The following UGT1A10 variants were observed in gnomAD, a reference collection of about 807,000 sequenced individuals.
UGT1A10 encodes UDP glucuronosyltransferase family 1 member A10, also known as UDP-glucuronosyltransferase 1A10.
In UGT1A10, 49 loss-of-function variants were observed where a neutral mutation model predicts 45.8. The observed-to-expected ratio is 1.07, with a 90% CI of 0.85 to 1.36. UGT1A10 has a LOEUF of 1.36. UGT1A10 is among the 40% of genes most tolerant of loss of function. The pLI, the probability that UGT1A10 is intolerant of heterozygous loss-of-function variation, is 0.00. For synonymous variants in UGT1A10, 284 were observed against 249.7 expected (o/e 1.14, Z -1.29); for missense variants, 745 against 668.6 (o/e 1.11, Z -1.26).
rs900393425 is a variant in UGT1A10 at position 233,715,048 on chromosome 2, C to CT, written c.856-51977dup. 1.6e-3 allele frequency among the ~76,000 whole-genome samples: 238 copies of CT among 151,030 alleles called. 1 individual carries two copies. The highest frequency in any genetic ancestry group is 5.1e-3 in the African/African-American group (208 of 41,174). On this transcript the variant is annotated intron_variant, in intron 1 of 4. Coordinates refer to ENST00000344644, the MANE Select transcript of UGT1A10 (RefSeq NM_019075.4). ...CATGGCACCACATCCAGCTAATTTT[C>CT]TTTTTTTTTGTATTTTTTATGGAGA...
chr2:233,647,855 C>T, intron 1 of UGT1A10: 1 of 1,288,646 alleles, frequency 7.8e-7, no homozygotes, highest in Middle Eastern at 2.7e-4. Flanking sequence ...TGGTTTTCTC[C>T]ATTGTTTTTC....
chr2:233,683,152 A>T (rs1156780425), intron 1 of UGT1A10, among the ~76,000 whole-genome samples: 2 of 152,106 alleles, frequency 1.3e-5, no homozygotes, highest in East Asian at 3.8e-4. Flanking sequence ...ATTGTTTTCA[A>T]TTTTTTTGAA....
In UGT1A10 at chr2:233,769,362, G is replaced by A. The variant is rs1315939386; in HGVS notation, c.1295+923G>A. On this transcript the variant is annotated intron_variant, in intron 4 of 4. Coordinates refer to ENST00000344644, the MANE Select transcript of UGT1A10 (RefSeq NM_019075.4). The surrounding 1 kb of genome is among the most constrained non-coding windows in gnomAD (Gnocchi z 4.4). ...ACCTTATGGGAAGAAGTGGTGGCCAGTGGTAGATTTCATCCGACAATAGAT... is the reference window on the plus strand; with the variant it reads ...ACCTTATGGGAAGAAGTGGTGGCCAATGGTAGATTTCATCCGACAATAGAT... Among the ~76,000 whole-genome samples, 1 of 152,244 alleles carries A rather than the reference G, an allele frequency of 6.6e-6. No homozygotes were observed.
intron 1 of UGT1A10, among the ~76,000 whole-genome samples, chr2:233,696,657 C>A (rs2125568532): frequency 6.6e-6 from 1 of 152,248 alleles, no homozygotes; most frequent in Admixed American, 6.5e-5. Context: ...ACTTCCAGTA[C>A]TATGAAGAAT....
chr2:233,639,543 C>T (rs1169599760), intron 1 of UGT1A10, among the ~76,000 whole-genome samples: 1 of 152,166 alleles, frequency 6.6e-6, no homozygotes, highest in Non-Finnish European at 1.5e-5. Flanking sequence ...GTCTGAGTCT[C>T]ATCTGTCTGA....
At chr2:233,657,257 GT>G (rs968085622) in intron 1 of UGT1A10, among the ~76,000 whole-genome samples, 1 of 152,228 alleles carries the variant, frequency 6.6e-6, no homozygotes, top group Non-Finnish European at 1.5e-5. Flanking sequence ...TGGCGGTTTA[GT>G]TTTTTTGTGT....
chr2:233,739,889 C>G (rs1358734897), intron 1 of UGT1A10, among the ~76,000 whole-genome samples: 1 of 151,866 alleles, frequency 6.6e-6, no homozygotes, highest in African/African-American at 2.4e-5. Context: ...GTGTTTCCAC[C>G]CAAATCTCAT....
At chr2:233,692,802 A>G (rs2075115278) in intron 1 of UGT1A10, 1 of 1,397,668 alleles carries the variant, frequency 7.2e-7, no homozygotes, top group Non-Finnish European at 9.3e-7. Context: ...TGACACGGCC[A>G]TAGTTGGTTC....
chr2:233,763,622 CTT>C (rs1698359948), intron 1 of UGT1A10, among the ~76,000 whole-genome samples: 1 of 152,186 alleles, frequency 6.6e-6, no homozygotes, highest in Non-Finnish European at 1.5e-5. Context: ...TACCATTCCT[CTT>C]GTGTTGATGG....
At chr2:233,754,945 G>C (rs1342760083) in intron 1 of UGT1A10, 3 of 1,327,414 alleles carry the variant, frequency 2.3e-6, no homozygotes, top group Non-Finnish European at 3.0e-6. Flanking sequence ...AAGGAGAATG[G>C]GTCCCGGCCG....
In UGT1A10 at chr2:233,755,092, A is replaced by T. The variant is rs549594693; in HGVS notation, c.856-11942A>T. ...TAGCGGTCATAGATATCGCGTTTCT[A>T]CGCGTCCGACAACACCTCGTAGGCC... On this transcript the variant is annotated intron_variant, in intron 1 of 4. Transcript: ENST00000344644. 773 of 1,335,120 alleles carry T rather than the reference A, an allele frequency of 5.8e-4. 7 individuals carry two copies. Among genetic ancestry groups the T allele is most frequent in the Non-Finnish European group, 7.2e-4 (712 of 992,672 alleles). 82.7% of individuals were successfully genotyped at this position (1,335,120 alleles called of 1,614,324 possible).
chr2:233,669,403 A>G (rs1326457972), intron 1 of UGT1A10, among the ~76,000 whole-genome samples: 6 of 152,244 alleles, frequency 3.9e-5, no homozygotes, highest in Non-Finnish European at 8.8e-5. Context: ...AGATCAACTA[A>G]GGAAAAATAA....
intron 1 of UGT1A10, among the ~76,000 whole-genome samples, chr2:233,637,755 A>G (rs544809334): frequency 2.8e-4 from 43 of 152,320 alleles, no homozygotes; most frequent in African/African-American, 9.6e-4. Context: ...TATTTTAGGC[A>G]TATGCAATAT....
chr2:233,704,256 C>CT (rs59925871), intron 1 of UGT1A10, among the ~76,000 whole-genome samples: 17,865 of 123,502 alleles, frequency 0.14, 1,649 homozygotes, highest in East Asian at 0.25. Flanking sequence ...GCCTTTATTG[C>CT]TTTTTTTTTT....
chr2:233,693,391 C>T, intron 1 of UGT1A10: 1 of 1,614,172 alleles, frequency 6.2e-7, no homozygotes, highest in Non-Finnish European at 8.5e-7. Flanking sequence ...GCCAGAGCCT[C>T]CTGCAGGACA....
At chr2:233,652,464 C>G (rs189975849) in intron 1 of UGT1A10, among the ~76,000 whole-genome samples, 33 of 152,010 alleles carry the variant, frequency 2.2e-4, no homozygotes, top group African/African-American at 7.5e-4. Context: ...CATTCTATCC[C>G]CAAATACTTC....
intron 1 of UGT1A10, among the ~76,000 whole-genome samples, chr2:233,720,072 T>C (rs1018749083): frequency 5.9e-5 from 9 of 152,264 alleles, no homozygotes; most frequent in African/African-American, 9.6e-5. Flanking sequence ...TAAATTAGAA[T>C]TGTGGACATG....
At chr2:233,676,023 A>G (rs1241148183) in intron 1 of UGT1A10, among the ~76,000 whole-genome samples, 1 of 152,210 alleles carries the variant, frequency 6.6e-6, no homozygotes, top group Non-Finnish European at 1.5e-5. Flanking sequence ...AAATAAACCC[A>G]TACATATACA....
At chr2:233,740,765 C>T (rs894944360) in intron 1 of UGT1A10, 8 of 151,662 alleles carry the variant, frequency 5.3e-5, no homozygotes, top group South Asian at 2.1e-4. Context: ...CTTATCAAAC[C>T]GTTGTATAAA....
Sources: gnomAD v4.1 joint callset for allele counts (sites outside exome capture counted in the v4.1 genomes callset) on GRCh38, gnomAD v4.1.1 for gene constraint, Gnocchi (gnomAD v3.1) non-coding constraint, MANE v1.5 for transcripts, NCBI Gene and HGNC (gene_info 2026-07-23, HGNC 2026-07-21) for gene names.